Variants in ERBIN observed in about 807,000 individuals in gnomAD.
ERBIN encodes the protein erbb2 interacting protein.
ERBIN carries 60 observed loss-of-function variants against 158.4 expected under a neutral mutation model. That is an observed-to-expected ratio of 0.38 (90% CI 0.31 to 0.47). The LOEUF (loss-of-function observed/expected upper bound fraction) is 0.47. Among genes scored for constraint, ERBIN ranks in the 20% least tolerant of loss-of-function variants. The pLI, the probability that ERBIN is intolerant of heterozygous loss-of-function variation, is 0.99. For synonymous variants in ERBIN, 594 were observed against 557.2 expected (o/e 1.07, Z -0.93); for missense variants, 1,610 against 1,648.0 (o/e 0.98, Z 0.40).
At chr5:65,929,060 AC>A (rs1580037344) in intron 1 of ERBIN, among the ~76,000 whole-genome samples, 2 of 152,214 alleles carry the variant, frequency 1.3e-5, no homozygotes, top group South Asian at 4.1e-4. Context: ...TAGTACTGTT[AC>A]GAGGTCTCCT....
Position 66,064,112 on chromosome 5 carries a change from A to G in ERBIN, c.3634-8057A>G, listed in dbSNP as rs556219892. On this transcript the variant is annotated intron_variant, in intron 21 of 25. Coordinates refer to ENST00000284037, the MANE Select transcript of ERBIN (RefSeq NM_001253697.2). Reference sequence around the variant, plus strand: ...TAAAATGTTTTCATTTTGAAAGATAAAATGGTAATGATAAATGCAATAGTA... The same window carrying G: ...TAAAATGTTTTCATTTTGAAAGATAGAATGGTAATGATAAATGCAATAGTA... Among the ~76,000 whole-genome samples, 7 of 152,362 alleles carry G rather than the reference A, an allele frequency of 4.6e-5. No homozygotes were observed. The South Asian group carries it at 1.2e-3, about 27-fold the overall frequency.
At chr5:66,004,425 CAG>C (rs1321440823) in intron 4 of ERBIN, among the ~76,000 whole-genome samples, 10 of 152,186 alleles carry the variant, frequency 6.6e-5, no homozygotes, top group Admixed American at 5.9e-4. Context: ...TGAGTTGAGA[CAG>C]AATCTCCGTC....
chr5:65,941,047 T>C (rs1236163716), intron 1 of ERBIN, among the ~76,000 whole-genome samples: 1 of 152,138 alleles, frequency 6.6e-6, no homozygotes, highest in Non-Finnish European at 1.5e-5. Context: ...AAACATGTGC[T>C]GTGTCCACTC....
intron 21 of ERBIN, among the ~76,000 whole-genome samples, chr5:66,063,590 C>A (rs1452448413): frequency 6.6e-6 from 1 of 152,146 alleles, no homozygotes; most frequent in Non-Finnish European, 1.5e-5. Context: ...GAACCCGGTA[C>A]CTCAGTTGGA....
chr5:65,960,916 A>T (rs963524438), intron 1 of ERBIN, among the ~76,000 whole-genome samples: 1 of 152,270 alleles, frequency 6.6e-6, no homozygotes, highest in Non-Finnish European at 1.5e-5. Context: ...GATATTAACC[A>T]TCACTGGCCT....
At chr5:65,980,404 G>A (rs1272822013) in intron 1 of ERBIN, among the ~76,000 whole-genome samples, 1 of 151,988 alleles carries the variant, frequency 6.6e-6, no homozygotes, top group Non-Finnish European at 1.5e-5. Flanking sequence ...CTCCAGCCTG[G>A]ATAACAAAGC....
intron 9 of ERBIN, 94 bp downstream of exon 9, chr5:66,023,458 A>G (rs1755907354): frequency 1.5e-6 from 1 of 683,726 alleles, no homozygotes; most frequent in South Asian, 2.5e-5. Flanking sequence ...TTAATTAATA[A>G]AAAAATTGAA....
At chr5:66,063,712 A>T (rs1760702804) in intron 21 of ERBIN, among the ~76,000 whole-genome samples, 1 of 152,184 alleles carries the variant, frequency 6.6e-6, no homozygotes, top group Non-Finnish European at 1.5e-5. Flanking sequence ...ACATTTTTAA[A>T]AAGTGAAGAT....
chr5:66,038,394 G>T lies in ERBIN; in HGVS notation c.1218G>T (p.Leu406=). The change falls in exon 15 of 26, where the codon CTG becomes CTT. Residue 406 remains leucine, a synonymous_variant. Transcript: ENST00000284037. ...TTTTCCTTCTCTAGTCCAAACCCCT[G>T]ATACCTCTTCAAAAAGAAACTGATT... The part of the protein sequence containing the change: ...MWLSDNQSKP[L]IPLQKETDSE... 1 of 1,610,870 alleles carries T rather than the reference G, an allele frequency of 6.2e-7. No individual in the cohort carries two copies. Among genetic ancestry groups the T allele is most frequent in the Non-Finnish European group, 8.5e-7 (1 of 1,178,016 alleles).
chr5:65,940,396 A>G (rs1392411311), intron 1 of ERBIN, among the ~76,000 whole-genome samples: 1 of 122,182 alleles, frequency 8.2e-6, no homozygotes, highest in Admixed American at 8.2e-5. Context: ...CCCGGCAGCC[A>G]CCTCGTCCGG....
At chr5:65,986,526 C>T (rs962187016) in intron 1 of ERBIN, among the ~76,000 whole-genome samples, 17 of 152,062 alleles carry the variant, frequency 1.1e-4, no homozygotes, top group African/African-American at 4.1e-4. Flanking sequence ...TTTGGCATAG[C>T]GACAAATAGT....
chr5:66,046,299 A>G, intron 17 of ERBIN, 54 bp from the exon 18 acceptor site: 1 of 1,084,002 alleles, frequency 9.2e-7, no homozygotes. Context: ...CTGAACTTTT[A>G]AAATAGATAT....
At chr5:66,026,713 A>G (rs1248849794) in intron 13 of ERBIN, among the ~76,000 whole-genome samples, 1 of 151,956 alleles carries the variant, frequency 6.6e-6, no homozygotes, top group East Asian at 1.9e-4. Context: ...TTAAATGAGG[A>G]CTTAACTGTA....
chr5:65,959,716 T>C (rs955698808), intron 1 of ERBIN, among the ~76,000 whole-genome samples: 5 of 152,302 alleles, frequency 3.3e-5, no homozygotes, highest in Non-Finnish European at 4.4e-5. Context: ...TTATATAGCA[T>C]ATATATTTAA....
chr5:66,079,563 A>G lies in ERBIN; in HGVS notation c.*1033A>G, dbSNP rs936375098. 6.6e-6 allele frequency: 1 copy of G among 152,624 alleles called. No homozygotes were observed. The highest frequency in any genetic ancestry group is 2.1e-4 in the South Asian group (1 of 4,834). The allele number at this position is 152,624 out of a possible 1,614,324, so 9.5% of individuals were successfully genotyped here. Reference sequence around the variant, plus strand: ...CTCTTTGATTTTTGTTTGGCCTTGCATTGCCTTGGTAAAGTAAAAGGAAAC... The same window carrying G: ...CTCTTTGATTTTTGTTTGGCCTTGCGTTGCCTTGGTAAAGTAAAAGGAAAC... On this transcript the variant is annotated 3_prime_UTR_variant, in exon 26 of 26. Transcript: ENST00000284037.
At chr5:65,985,224 C>T (rs762744098) in intron 1 of ERBIN, among the ~76,000 whole-genome samples, 1 of 152,180 alleles carries the variant, frequency 6.6e-6, no homozygotes, top group South Asian at 2.1e-4. Context: ...CTCTTGAGTA[C>T]TGGGATTACA....
chr5:66,019,128 G>C (rs1180716535), intron 7 of ERBIN, among the ~76,000 whole-genome samples: 1 of 152,060 alleles, frequency 6.6e-6, no homozygotes, highest in Non-Finnish European at 1.5e-5. Flanking sequence ...TAAGATACAT[G>C]TTGTCTGTGA....
intron 4 of ERBIN, among the ~76,000 whole-genome samples, chr5:65,995,361 A>C (rs1580288635): frequency 8.2e-6 from 1 of 122,492 alleles, no homozygotes; most frequent in Non-Finnish European, 1.7e-5. Flanking sequence ...TATGTAAGTG[A>C]GCTTATGTGG....
At chr5:66,074,745 AAAGC>A (rs1761835136) in intron 22 of ERBIN, among the ~76,000 whole-genome samples, 1 of 152,212 alleles carries the variant, frequency 6.6e-6, no homozygotes, top group South Asian at 2.1e-4. Flanking sequence ...AGCTCACAAA[AAAGC>A]AAGTAATTTA....
Sources: gnomAD v4.1 joint callset for allele counts (sites outside exome capture counted in the v4.1 genomes callset) on GRCh38, gnomAD v4.1.1 for gene constraint, MANE v1.5 for transcripts, NCBI Gene and HGNC (gene_info 2026-07-23, HGNC 2026-07-21) for gene names.